Variants in BUB1B observed in about 807,000 individuals in gnomAD.
The protein encoded by BUB1B is mitotic checkpoint serine/threonine-protein kinase BUB1 beta.
BUB1B carries 86 observed loss-of-function variants against 137.7 expected under a neutral mutation model. The observed-to-expected ratio is 0.62, with a 90% CI of 0.52 to 0.75. The LOEUF (loss-of-function observed/expected upper bound fraction) is 0.75. Ranked by LOEUF, BUB1B falls within the 30% of genes least tolerant of loss-of-function variation. The probability of loss-of-function intolerance (pLI) is 0.00; values close to 1 mark genes in which losing one functional copy is unlikely to be tolerated. For missense variants in BUB1B, 1,130 were observed against 1,236.9 expected (o/e 0.91, Z 1.30); for synonymous variants, 420 against 417.9 (o/e 1.00, Z -0.06).
chr15:40,190,254 T>A (rs1044424934), intron 8 of BUB1B, among the ~76,000 whole-genome samples: 1 of 152,258 alleles, frequency 6.6e-6, no homozygotes, highest in African/African-American at 2.4e-5. Flanking sequence ...TCATTCTTAC[T>A]GTAAATCTTA....
At chr15:40,218,850 A>G (rs2037842053) in intron 22 of BUB1B, among the ~76,000 whole-genome samples, 1 of 152,230 alleles carries the variant, frequency 6.6e-6, no homozygotes, top group Admixed American at 6.5e-5. Flanking sequence ...AGATATGTGA[A>G]AAGAAGCATT....
chr15:40,217,493 C>T lies in BUB1B; in HGVS notation c.2679-3C>T. ...TATCTCCTTCTCTTAAATCTGGGCTCAGAATCCACGATCCCTATGATTGTA... is the reference window on the plus strand; with the variant it reads ...TATCTCCTTCTCTTAAATCTGGGCTTAGAATCCACGATCCCTATGATTGTA... On this transcript the variant is annotated splice_polypyrimidine_tract_variant and splice_region_variant and intron_variant, in intron 20 of 22. Coordinates refer to ENST00000287598, the MANE Select transcript of BUB1B (RefSeq NM_001211.6). 6.2e-7 allele frequency: 1 copy of T among 1,613,962 alleles called. No individual in the cohort carries two copies. Among genetic ancestry groups the T allele is most frequent in the Admixed American group, 1.7e-5 (1 of 59,992 alleles).
chr15:40,210,261 G>T, intron 18 of BUB1B, 51 bp downstream of exon 18: 1 of 1,332,042 alleles, frequency 7.5e-7, no homozygotes, highest in South Asian at 1.2e-5. Flanking sequence ...ATACGGATTG[G>T]AGCAATAACT....
Position 40,167,163 on chromosome 15 carries a change from T to G in BUB1B, c.179+1967T>G, listed in dbSNP as rs1388045887. ...ATTTTTTTTCCCTCACCCATGGCTG[T>G]TTATTTTCTGGGTGTTTTTTTTTTT... On this transcript the variant is annotated intron_variant, in intron 2 of 22. Transcript: ENST00000287598. Among the ~76,000 whole-genome samples, 5 of 151,060 alleles carry G rather than the reference T, an allele frequency of 3.3e-5. No homozygotes were observed. In the South Asian group the frequency reaches 8.3e-4, roughly 25 times the overall value.
In BUB1B at chr15:40,208,787, A is replaced by G. The variant is rs919443198; in HGVS notation, c.2143+17A>G. 10 of 1,595,882 alleles carry G rather than the reference A, an allele frequency of 6.3e-6. No individual in the cohort carries two copies. Among genetic ancestry groups the G allele is most frequent in the Non-Finnish European group, 8.6e-6 (10 of 1,164,250 alleles). On this transcript the variant is annotated intron_variant, in intron 16 of 22. Coordinates refer to ENST00000287598, the MANE Select transcript of BUB1B (RefSeq NM_001211.6). ...AGACTTCAGGTAGGATATACATACC[A>G]CTATATCCATGCCTAGTGAACACTT...
intron 9 of BUB1B, among the ~76,000 whole-genome samples, chr15:40,198,026 G>A (rs1237203988): frequency 1.3e-5 from 2 of 152,076 alleles, no homozygotes; most frequent in Non-Finnish European, 2.9e-5. Flanking sequence ...CCATTTTAGG[G>A]CCAGGCACAG....
intron 2 of BUB1B, chr15:40,166,392 T>C (rs2037098699): frequency 4.7e-6 from 2 of 426,788 alleles, no homozygotes; most frequent in African/African-American, 2.1e-5. Flanking sequence ...CAGGCTGGAG[T>C]GCAGTGGCAC....
rs1555381180 is a variant in BUB1B, at chr15:40,176,577, A to G, written c.485A>G (p.Tyr162Cys). ...TTCTATATCTCATGGGCAGAAGAAT[A>G]TGAAGCTAGAGAAAACTTTAGGAAA... ...AQFYISWAEE[Y>C]EARENFRKAD... Residue 162 changes from tyrosine (Y) to cysteine (C), a missense_variant, in exon 5 of 23, where the codon TAT becomes TGT. Physicochemically the swap from Tyr to Cys is radical, Grantham distance 194 (BLOSUM62 -2). Coordinates refer to ENST00000287598, the MANE Select transcript of BUB1B (RefSeq NM_001211.6). 3.1e-6 allele frequency: 5 copies of G among 1,614,166 alleles called. No homozygotes were observed. Among genetic ancestry groups the G allele is most frequent in the Non-Finnish European group, 4.2e-6 (5 of 1,180,016 alleles).
chr15:40,202,817 C>T (rs1425049764), intron 14 of BUB1B, 123 bp downstream of exon 14: 3 of 824,648 alleles, frequency 3.6e-6, no homozygotes, highest in Non-Finnish European at 6.2e-6. Flanking sequence ...AGATGCTCAG[C>T]ATTACTACTC....
intron 14 of BUB1B, among the ~76,000 whole-genome samples, chr15:40,203,276 A>T (rs552942673): frequency 1.3e-5 from 2 of 152,356 alleles, no homozygotes; most frequent in South Asian, 4.1e-4. Flanking sequence ...TGAAAACGTT[A>T]TGTCAAGTGA....
Position 40,206,437 on chromosome 15 carries a change from C to G in BUB1B, c.1988C>G (p.Thr663Ser). 1 of 1,614,186 alleles carries G rather than the reference C, an allele frequency of 6.2e-7. No homozygotes were observed. Among genetic ancestry groups the G allele is most frequent in the Non-Finnish European group, 8.5e-7 (1 of 1,180,020 alleles). Reference sequence around the variant, plus strand: ...GCTTGTGGCACTATCTACAGTCAGACTCTCAGCATCAAGAAGCTGAGGTGA... The same window carrying G: ...GCTTGTGGCACTATCTACAGTCAGAGTCTCAGCATCAAGAAGCTGAGGTGA... ...QTACGTIYSQ[T>S]LSIKKLSPII... is the part of the protein sequence containing the mutation. The change falls in exon 15 of 23, where the codon ACT becomes AGT. Residue 663 changes from threonine (T) to serine (S), a missense_variant. Thr to Ser is a moderately conservative substitution (Grantham distance 58). Transcript: ENST00000287598.
chr15:40,163,497 A>G (rs1595507096), intron 1 of BUB1B, among the ~76,000 whole-genome samples: 1 of 152,196 alleles, frequency 6.6e-6, no homozygotes, highest in Non-Finnish European at 1.5e-5. Flanking sequence ...CATGCCCACT[A>G]TAGTGTTACT....
intron 15 of BUB1B, 90 bp from the exon 16 acceptor site, chr15:40,208,547 G>T (rs2037666084): frequency 7.4e-7 from 1 of 1,348,268 alleles, no homozygotes; most frequent in African/African-American, 1.5e-5. Context: ...TCAAAAAAAA[G>T]AAAAATGTAT....
At chr15:40,204,131 A>T (rs1334674185) in intron 14 of BUB1B, among the ~76,000 whole-genome samples, 2 of 152,256 alleles carry the variant, frequency 1.3e-5, no homozygotes, top group African/African-American at 4.8e-5. Flanking sequence ...TCAACTCAGA[A>T]GAGACTAGCG....
Position 40,206,343 on chromosome 15 carries a change from C to G in BUB1B, c.1894C>G (p.Pro632Ala). The G allele has an allele frequency of 6.2e-7, 1 of 1,614,158 alleles. No individual in the cohort carries two copies. Among genetic ancestry groups the G allele is most frequent in the Non-Finnish European group, 8.5e-7 (1 of 1,180,038 alleles). Residue 632 changes from proline to alanine, a missense_variant, in exon 15 of 23, where the codon CCT becomes GCT. Transcript: ENST00000287598. The part of the protein sequence containing the change: ...FHEIMSLKDL[P>A]SDPERLLPEE... ...TGAGATAATGTCCTTGAAGGATCTC[C>G]CTTCTGATCCTGAGAGACTGTTACC... is the stretch of plus-strand genomic sequence containing the variant.
chr15:40,207,155 A>G (rs2037648237), intron 15 of BUB1B, among the ~76,000 whole-genome samples: 1 of 152,228 alleles, frequency 6.6e-6, no homozygotes, highest in South Asian at 2.1e-4. Flanking sequence ...TGTTTTTTAA[A>G]AAACTATCTT....
intron 2 of BUB1B, among the ~76,000 whole-genome samples, chr15:40,166,004 C>T (rs1288833255): frequency 6.6e-6 from 1 of 152,210 alleles, no homozygotes; most frequent in Non-Finnish European, 1.5e-5. Flanking sequence ...AGGCGTGCGC[C>T]GCCACGCCTG....
chr15:40,214,083 T>A (rs907772154), intron 20 of BUB1B, among the ~76,000 whole-genome samples: 2 of 152,354 alleles, frequency 1.3e-5, no homozygotes. Context: ...GTTTAGTCAT[T>A]CTTTGAGTGG....
intron 8 of BUB1B, among the ~76,000 whole-genome samples, chr15:40,186,476 C>T (rs527738995): frequency 4.5e-5 from 5 of 111,478 alleles, no homozygotes; most frequent in South Asian, 6.3e-4. Context: ...CTCGCTGTGT[C>T]GCCCAGGCTG....
Sources: allele counts gnomAD v4.1 joint callset (sites outside exome capture counted in the v4.1 genomes callset), GRCh38; gene constraint gnomAD v4.1.1; transcripts MANE v1.5; gene names NCBI Gene and HGNC (gene_info 2026-07-23, HGNC 2026-07-21).